KY: variants seen among roughly 807,000 people sequenced by gnomAD.
KY encodes the protein kyphoscoliosis peptidase.
A neutral mutation model predicts 76.1 loss-of-function variants in KY; 43 were observed. The ratio of observed to expected loss-of-function variants is 0.57; its 90% CI spans 0.44 to 0.73. The LOEUF is 0.73. KY is among the 30% of genes least tolerant of loss of function. KY has a pLI of 0.00. For synonymous variants in KY, 277 were observed against 326.2 expected, an observed-to-expected ratio of 0.85 and a Z score of 1.63; for missense variants, 722 against 828.9, an observed-to-expected ratio of 0.87 and a Z score of 1.58.
In KY at chr3:134,650,854, T is replaced by A. The variant is rs774436766; in HGVS notation, c.107A>T (p.Asn36Ile). 6.2e-7 allele frequency: 1 copy of A among 1,607,760 alleles called. No homozygotes were observed. Among genetic ancestry groups the A allele is most frequent in the Non-Finnish European group, 8.5e-7 (1 of 1,176,690 alleles). The change falls in exon 1 of 11, where the codon AAC becomes ATC. Residue 36 changes from asparagine to isoleucine, a missense_variant. Coordinates refer to ENST00000423778, the MANE Select transcript of KY (RefSeq NM_178554.6). The part of the protein sequence containing the change: ...AQGTLSDQQA[N>I]PSSLLQRGGG... ...TCCGCGCTGCAGCAGCGAGCTCGGGTTCGCCTGCTGGTCTGAGAGCGTACC... is the reference window on the plus strand; with the variant it reads ...TCCGCGCTGCAGCAGCGAGCTCGGGATCGCCTGCTGGTCTGAGAGCGTACC...
intron 1 of KY, among the ~76,000 whole-genome samples, chr3:134,649,239 G>C (rs1335488502): frequency 1.3e-5 from 2 of 152,140 alleles, no homozygotes; most frequent in Non-Finnish European, 2.9e-5. Flanking sequence ...TTTTTTCTCT[G>C]TCATAGTCAC....
intron 8 of KY, among the ~76,000 whole-genome samples, chr3:134,616,524 T>A (rs1961592284): frequency 1.3e-5 from 2 of 152,234 alleles, no homozygotes; most frequent in African/African-American, 2.4e-5. Flanking sequence ...AGGTTACTGA[T>A]CTTTAAAGAA....
At chr3:134,645,882 ACTT>A (rs1479369077) in intron 2 of KY, among the ~76,000 whole-genome samples, 6 of 152,162 alleles carry the variant, frequency 3.9e-5, no homozygotes, top group Non-Finnish European at 8.8e-5. Context: ...TTTCCACTAA[ACTT>A]CTCCCAAATC....
rs1966886290 is a variant in KY at position 134,651,000 on chromosome 3, G to C, written c.-40C>G. The C allele has an allele frequency of 6.2e-7, 1 of 1,611,552 alleles. No homozygotes were observed. The highest frequency in any genetic ancestry group is 1.3e-5 in the African/African-American group (1 of 74,860). The stretch of plus-strand genomic sequence containing the variant: ...TCCGACCTGGGCGCCGCGGCCGCAC[G>C]CTAGGCTGCTTGCGCTGCAAATGGC... On this transcript the variant is annotated 5_prime_UTR_variant, in exon 1 of 11. Coordinates refer to ENST00000423778, the MANE Select transcript of KY (RefSeq NM_178554.6).
In KY at chr3:134,629,498, G is replaced by C. The variant is rs547458945; in HGVS notation, c.337+123C>G. 2.9e-5 allele frequency: 20 copies of C among 698,380 alleles called. No homozygotes were observed. In the East Asian group the frequency reaches 3.0e-4, roughly 11 times the overall value. The allele number at this position is 698,380 out of a possible 1,614,324, so 43.3% of individuals were successfully genotyped here. On this transcript the variant is annotated intron_variant, in intron 4 of 10. Coordinates refer to ENST00000423778, the MANE Select transcript of KY (RefSeq NM_178554.6). ...GCTGTCATGCTTCTGCCTTTTCCCA[G>C]TTTGCAGGCCCATGTCACTCTTCTC...
intron 4 of KY, chr3:134,628,047 G>T (rs531758160): frequency 3.1e-5 from 18 of 585,420 alleles, no homozygotes; most frequent in Non-Finnish European, 5.2e-5. Flanking sequence ...GACAAGAAAG[G>T]GAGCTGCATT....
At chr3:134,614,872 A>C (rs1961228907) in intron 8 of KY, among the ~76,000 whole-genome samples, 1 of 152,146 alleles carries the variant, frequency 6.6e-6, no homozygotes, top group South Asian at 2.1e-4. Flanking sequence ...CTCTGACCGC[A>C]GTAGACTTTC....
At chr3:134,636,922 G>T (rs956545721) in intron 3 of KY, among the ~76,000 whole-genome samples, 128 of 152,210 alleles carry the variant, frequency 8.4e-4, no homozygotes, top group Non-Finnish European at 3.1e-4. Flanking sequence ...TCCTATTGAA[G>T]TATTATTTTT....
Position 134,610,359 on chromosome 3 carries a change from G to A in KY, c.735C>T (p.Thr245=), listed in dbSNP as rs187017240. ...MCRLAGVQCM[T]VPGYSKGFGY... ...CGAAACCCTTGGAGTAGCCAGGCACGGTCATACACTGCACTCCGGCGAGCC... is the reference window on the plus strand; with the variant it reads ...CGAAACCCTTGGAGTAGCCAGGCACAGTCATACACTGCACTCCGGCGAGCC... The change falls in exon 9 of 11, where the codon ACC becomes ACT. Residue 245 remains threonine (T), a synonymous_variant. Transcript: ENST00000423778. 2.0e-5 allele frequency: 33 copies of A among 1,612,946 alleles called. No individual in the cohort carries two copies. In the Admixed American group the frequency reaches 2.3e-4, roughly 11 times the overall value.
Position 134,601,449 on chromosome 3 carries a change from A to C in KY, c.*2130T>G, listed in dbSNP as rs1239816646. ...AAGCGAGGCAGCCAGCGCGGGGTCC[A>C]GTGAGTGACATGCGTCATCGAAGGC... On this transcript the variant is annotated 3_prime_UTR_variant, in exon 11 of 11. Coordinates refer to ENST00000423778, the MANE Select transcript of KY (RefSeq NM_178554.6). Among the ~76,000 whole-genome samples the C allele has an allele frequency of 6.6e-6, 1 of 152,256 alleles. No homozygotes were observed. The highest frequency in any genetic ancestry group is 1.9e-4 in the East Asian group (1 of 5,198).
chr3:134,648,670 C>G lies in KY; in HGVS notation c.137-1173G>C, dbSNP rs555313008. On this transcript the variant is annotated intron_variant, in intron 1 of 10. Transcript: ENST00000423778. ...GCAGCCCAAATTCCTAGTGACCTAG[C>G]CTGTCCACACTCTCCTTGCCTTCTT... Among the ~76,000 whole-genome samples the G allele has an allele frequency of 2.6e-5, 4 of 152,284 alleles. 1 individual carries two copies. Among genetic ancestry groups the G allele is most frequent in the African/African-American group, 9.6e-5 (4 of 41,552 alleles).
chr3:134,635,124 T>A (rs1264118558), intron 3 of KY, among the ~76,000 whole-genome samples: 1 of 152,240 alleles, frequency 6.6e-6, no homozygotes, highest in Non-Finnish European at 1.5e-5. Context: ...GCTCTATTCA[T>A]AATCACCCTG....
chr3:134,629,362 C>T (rs1963914542), intron 4 of KY: 2 of 469,950 alleles, frequency 4.3e-6, no homozygotes, highest in Non-Finnish European at 7.7e-6. Flanking sequence ...AGCAACAACA[C>T]TCTTGTGATG....
rs1373925179 is a variant in KY, at chr3:134,602,264, C to G, written c.*1315G>C. On this transcript the variant is annotated 3_prime_UTR_variant, in exon 11 of 11. Coordinates refer to ENST00000423778, the MANE Select transcript of KY (RefSeq NM_178554.6). ...CTCTCGCCTTTCCCTCTTATCTGCC[C>G]TCGCTGAAGTCAGCCTTTCCTCCGT... is the stretch of plus-strand genomic sequence containing the variant. Among the ~76,000 whole-genome samples, 4 of 152,120 alleles carry G rather than the reference C, an allele frequency of 2.6e-5. No individual in the cohort carries two copies. The highest frequency in any genetic ancestry group is 5.9e-5 in the Non-Finnish European group (4 of 68,018).
intron 3 of KY, among the ~76,000 whole-genome samples, chr3:134,634,399 A>C (rs775045455): frequency 1.3e-4 from 20 of 152,254 alleles, no homozygotes; most frequent in Non-Finnish European, 2.8e-4. Context: ...AAGAGGATAG[A>C]TAAACAGATC....
chr3:134,612,205 T>C (rs894662605), intron 8 of KY, among the ~76,000 whole-genome samples: 6 of 152,140 alleles, frequency 3.9e-5, no homozygotes, highest in African/African-American at 1.4e-4. Flanking sequence ...AGGAATCCCA[T>C]AAGAACATAC....
intron 3 of KY, among the ~76,000 whole-genome samples, chr3:134,637,344 AC>A (rs1487268680): frequency 6.6e-6 from 1 of 152,032 alleles, no homozygotes; most frequent in Non-Finnish European, 1.5e-5. Flanking sequence ...CACTTTCTCC[AC>A]CTCAAACCCT....
At chr3:134,636,257 G>A (rs1192028152) in intron 3 of KY, among the ~76,000 whole-genome samples, 1 of 152,182 alleles carries the variant, frequency 6.6e-6, no homozygotes, top group African/African-American at 2.4e-5. Context: ...CTTATCAGTA[G>A]TGCAAGAGAA....
chr3:134,619,320 TCCACCCCAACC>T, intron 7 of KY, 55 bp from the exon 8 acceptor site: 1 of 1,344,074 alleles, frequency 7.4e-7, no homozygotes, highest in Non-Finnish European at 1.1e-6. Flanking sequence ...GCGAGAAGAC[TCCACCCCAACC>T]CCCAGCTGTG....
Sources: gnomAD v4.1 joint callset for allele counts (sites outside exome capture counted in the v4.1 genomes callset) on GRCh38, gnomAD v4.1.1 for gene constraint, MANE v1.5 for transcripts, NCBI Gene and HGNC (gene_info 2026-07-23, HGNC 2026-07-21) for gene names.